SMG5: variants seen among roughly 807,000 people sequenced by gnomAD.
The protein encoded by SMG5 is nonsense-mediated mRNA decay factor SMG5.
In SMG5, 53 loss-of-function variants were observed where a neutral mutation model predicts 122.9. That is an observed-to-expected ratio of 0.43 (90% confidence interval 0.35 to 0.54). The LOEUF is 0.54. Ranked by LOEUF, SMG5 falls within the 20% of genes least tolerant of loss-of-function variation. SMG5 has a pLI of 0.01. For missense variants in SMG5, 1,153 were observed against 1,285.6 expected (o/e 0.90, Z 1.58); for synonymous variants, 477 against 490.2 (o/e 0.97, Z 0.35).
At position 156,278,033 on chromosome 1, in the gene SMG5, G is replaced by A. The variant is rs558145454; in HGVS notation, c.189C>T (p.Cys63=). Reference sequence around the variant, plus strand: ...CTGGGTGCAGGAACATAAGCTTGACGCAGAGCTCACGCAGCCTGGAGGGTG... The same window carrying A: ...CTGGGTGCAGGAACATAAGCTTGACACAGAGCTCACGCAGCCTGGAGGGTG... ...ISLRNKLREL[C]VKLMFLHPVD... The change falls in exon 3 of 22, where the codon TGC becomes TGT. Residue 63 remains cysteine (C), a synonymous_variant. Coordinates refer to ENST00000361813, the MANE Select transcript of SMG5 (RefSeq NM_015327.3). 1.9e-5 allele frequency: 31 copies of A among 1,613,854 alleles called. No individual in the cohort carries two copies. Among genetic ancestry groups the A allele is most frequent in the South Asian group, 3.3e-5 (3 of 91,086 alleles).
intron 14 of SMG5, among the ~76,000 whole-genome samples, 164 bp from the exon 15 acceptor site, chr1:156,260,790 CA>C (rs1661789952): frequency 6.6e-6 from 1 of 152,066 alleles, no homozygotes; most frequent in Non-Finnish European, 1.5e-5. Flanking sequence ...GAGAGATGGA[CA>C]CATAAGAGCC....
At chr1:156,253,375 G>C (rs544753462) in intron 17 of SMG5, 74 bp downstream of exon 17, 2 of 1,471,378 alleles carry the variant, frequency 1.4e-6, no homozygotes, top group East Asian at 4.5e-5. Flanking sequence ...CAGCGGAAGG[G>C]GGAGACCTGC....
At chr1:156,278,158 C>A in intron 2 of SMG5, 110 bp from the exon 3 acceptor site, 1 of 1,411,668 alleles carries the variant, frequency 7.1e-7, no homozygotes, top group East Asian at 2.4e-5. Context: ...AATCTCGGTG[C>A]TTCCCAAGAG....
chr1:156,291,455 C>G, the SMG5 span: 1 of 1,613,918 alleles, frequency 6.2e-7, no homozygotes, highest in Non-Finnish European at 8.5e-7. Context: ...GACGTTTCTG[C>G]CACTGCTGTC....
chr1:156,273,941 C>T (rs1220151178), intron 5 of SMG5, among the ~76,000 whole-genome samples: 1 of 152,070 alleles, frequency 6.6e-6, no homozygotes, highest in African/African-American at 2.4e-5. Context: ...ATATTTAGTT[C>T]TGAAATGCAA....
chr1:156,269,029 G>A (rs558847858), intron 7 of SMG5, among the ~76,000 whole-genome samples: 9 of 151,016 alleles, frequency 6.0e-5, no homozygotes, highest in African/African-American at 2.2e-4. Flanking sequence ...GGAGTGCTGT[G>A]GCACAATCTC....
At position 156,260,474 on chromosome 1, in the gene SMG5, G is replaced by A. The variant is rs200632677; in HGVS notation, c.2260C>T (p.Pro754Ser). 2 of 1,596,424 alleles carry A rather than the reference G, an allele frequency of 1.3e-6. No homozygotes were observed. Among genetic ancestry groups the A allele is most frequent in the Non-Finnish European group, 1.7e-6 (2 of 1,173,866 alleles). ...ACCTCCTCTAAGGTGCTGAGCAGGG[G>A]CCGATCCGTGTCAAAGTTAAAGCGT... ...HRRFNFDTDR[P>S]LLSTLEESVV... Residue 754 changes from proline (P) to serine (S), a missense_variant, in exon 15 of 22, where the codon CCC becomes TCC. Pro to Ser is a moderately conservative substitution (Grantham distance 74, BLOSUM62 -1). Around this residue, in one of 5 missense-constraint regions of SMG5, gnomAD observed 631 missense variants for 650.6 expected, o/e 0.97. Transcript: ENST00000361813.
At chr1:156,254,342 T>TA (rs1223919448) in intron 16 of SMG5, among the ~76,000 whole-genome samples, 1 of 152,250 alleles carries the variant, frequency 6.6e-6, no homozygotes, top group Non-Finnish European at 1.5e-5. Flanking sequence ...TCCTCTGTAT[T>TA]ATGGGTAAAG....
chr1:156,278,944 C>T lies in SMG5; in HGVS notation c.165G>A (p.Leu55=), dbSNP rs749676420. Residue 55 remains leucine, a synonymous_variant, in exon 2 of 22, where the codon CTG becomes CTA. Coordinates refer to ENST00000361813, the MANE Select transcript of SMG5 (RefSeq NM_015327.3). ...TAGAGTCTCTAGCTTACTTGTTCCT[C>T]AGGCTAATGTTTTCTGGTTTGAATA... ...QEVFKPENIS[L]RNKLRELCVK... 4 of 1,613,920 alleles carry T rather than the reference C, an allele frequency of 2.5e-6. No individual in the cohort carries two copies. Among genetic ancestry groups the T allele is most frequent in the Non-Finnish European group, 3.4e-6 (4 of 1,179,818 alleles).
chr1:156,262,224 C>T (rs566835090), intron 13 of SMG5, among the ~76,000 whole-genome samples: 72 of 151,758 alleles, frequency 4.7e-4, no homozygotes, highest in South Asian at 4.4e-3. Flanking sequence ...AGGCCGGGCG[C>T]GGTGGCTCAC....
intron 5 of SMG5, among the ~76,000 whole-genome samples, chr1:156,273,851 A>C (rs1001400193): frequency 2.0e-5 from 3 of 151,038 alleles, no homozygotes; most frequent in Non-Finnish European, 2.9e-5. Context: ...CACCACGCCC[A>C]GCCTGAATAG....
Position 156,273,448 on chromosome 1 carries a change from G to T in SMG5, c.547C>A (p.Arg183=). 1.2e-6 allele frequency: 2 copies of T among 1,613,644 alleles called. No homozygotes were observed. The highest frequency in any genetic ancestry group is 1.7e-4 in the Middle Eastern group (1 of 6,060). Residue 183 remains arginine (R), a splice_region_variant and synonymous_variant, in exon 6 of 22, where the codon CGA becomes AGA. Transcript: ENST00000361813. ...ACGCCAGCTAATTCATTCTGATATCGGGCTGCACAAGAGAGAAAACGAAGG... is the reference window on the plus strand; with the variant it reads ...ACGCCAGCTAATTCATTCTGATATCTGGCTGCACAAGAGAGAAAACGAAGG... ...RCLVYLGDLS[R]YQNELAGVDT...
chr1:156,251,046 C>T, intron 20 of SMG5, 50 bp from the exon 21 acceptor site: 16 of 1,595,298 alleles, frequency 1.0e-5, no homozygotes, highest in Non-Finnish European at 1.3e-5. Context: ...AGCATTAGCA[C>T]AGCCCAAACA....
intron 16 of SMG5, among the ~76,000 whole-genome samples, chr1:156,255,947 A>T (rs931168192): frequency 2.6e-5 from 4 of 152,118 alleles, no homozygotes; most frequent in African/African-American, 9.7e-5. Flanking sequence ...AGACCACATC[A>T]CACAAACCCA....
chr1:156,253,436 C>T lies in SMG5; in HGVS notation c.2502+13G>A. On this transcript the variant is annotated intron_variant, in intron 17 of 21. Coordinates refer to ENST00000361813, the MANE Select transcript of SMG5 (RefSeq NM_015327.3). ...CCAAGTGCAGAAGAAGCACTTGGGTCCTGATTTCCTACCTGAAGTCGTAGC... is the reference window on the plus strand; with the variant it reads ...CCAAGTGCAGAAGAAGCACTTGGGTTCTGATTTCCTACCTGAAGTCGTAGC... 2 of 1,613,932 alleles carry T rather than the reference C, an allele frequency of 1.2e-6. No homozygotes were observed. The highest frequency in any genetic ancestry group is 1.7e-4 in the Middle Eastern group (1 of 6,058).
chr1:156,265,793 G>C lies in SMG5; in HGVS notation c.1843C>G (p.Pro615Ala). ...RPCVNGDVDK[P>A]SEPASEEGSE... ...GTGGTCCAAATACCTGGCTCTGAAGGCTTGTCTACATCCCCATTGACGCAA... is the reference window on the plus strand; with the variant it reads ...GTGGTCCAAATACCTGGCTCTGAAGCCTTGTCTACATCCCCATTGACGCAA... The change falls in exon 12 of 22, where the codon CCT (proline) becomes GCT (alanine). Residue 615 changes from proline to alanine, a missense_variant. This residue lies in a region of SMG5 where 631 missense variants were observed against 650.6 expected (regional missense o/e 0.97). Transcript: ENST00000361813. 1.2e-6 allele frequency: 2 copies of C among 1,613,740 alleles called. No individual in the cohort carries two copies. Among genetic ancestry groups the C allele is most frequent in the Non-Finnish European group, 1.7e-6 (2 of 1,179,736 alleles).
At chr1:156,271,670 TTCAAGTGATTCTCCTGC>T (rs1662441594) in intron 7 of SMG5, among the ~76,000 whole-genome samples, 1 of 87,182 alleles carries the variant, frequency 1.1e-5, no homozygotes, top group Non-Finnish European at 2.9e-5. Context: ...GCCTCCTGGG[TTCAAGTGATTCTCCTGC>T]GTTCAAGTGA....
intron 10 of SMG5, 54 bp downstream of exon 10, chr1:156,267,416 A>G: frequency 6.5e-7 from 1 of 1,544,820 alleles, no homozygotes. Context: ...AGAAAAGGGG[A>G]GTGAGGATCC....
At chr1:156,287,401 G>A (rs542667990), upstream of SMG5, among the ~76,000 whole-genome samples, 12 of 152,234 alleles carry the variant, frequency 7.9e-5, no homozygotes, top group East Asian at 2.3e-3. Flanking sequence ...GGGTGACAGA[G>A]TGAGACTCCG....
Sources: gnomAD v4.1 joint callset for allele counts (sites outside exome capture counted in the v4.1 genomes callset) on GRCh38, gnomAD v4.1.1 for gene constraint, gnomAD v4.1.1 regional missense constraint, MANE v1.5 for transcripts, NCBI Gene and HGNC (gene_info 2026-07-23, HGNC 2026-07-21) for gene names.